GTF2A1L: variants seen among roughly 807,000 people sequenced by gnomAD.
GTF2A1L encodes the protein general transcription factor IIA subunit 1 like.
Under a neutral mutation model 49.7 loss-of-function variants are expected in GTF2A1L, and 48 were observed. The ratio of observed to expected loss-of-function variants is 0.97; its 90% CI spans 0.77 to 1.23. The LOEUF (loss-of-function observed/expected upper bound fraction) is 1.23. Ranked by LOEUF, GTF2A1L falls within the 50% of genes most tolerant of loss-of-function variation. GTF2A1L has a pLI of 0.00. For missense variants in GTF2A1L, 736 were observed against 564.8 expected, an observed-to-expected ratio of 1.30 and a Z score of -3.07; for synonymous variants, 246 against 193.5, an observed-to-expected ratio of 1.27 and a Z score of -2.25.
intron 8 of GTF2A1L, among the ~76,000 whole-genome samples, chr2:48,672,965 A>G (rs1334121099): frequency 6.6e-6 from 1 of 152,138 alleles, no homozygotes; most frequent in Non-Finnish European, 1.5e-5. Context: ...CCAAGCCTGT[A>G]GGCCTAAGAA....
chr2:48,655,659 A>G (rs988313227), intron 6 of GTF2A1L, among the ~76,000 whole-genome samples: 8 of 152,098 alleles, frequency 5.3e-5, no homozygotes, highest in African/African-American at 9.7e-5. Context: ...TAAAAATTCA[A>G]TTTTTCTCCT....
chr2:48,663,615 G>T (rs945627465), intron 6 of GTF2A1L, among the ~76,000 whole-genome samples: 2 of 151,974 alleles, frequency 1.3e-5, no homozygotes, highest in Non-Finnish European at 2.9e-5. Context: ...AACATAAAAT[G>T]CTATATAATA....
intron 3 of GTF2A1L, among the ~76,000 whole-genome samples, chr2:48,625,836 G>T (rs1415180566): frequency 7.0e-6 from 1 of 143,624 alleles, no homozygotes. Context: ...TCCTGCCTCG[G>T]CCTCCCAAAG....
At chr2:48,658,340 A>T (rs1450466345) in intron 6 of GTF2A1L, among the ~76,000 whole-genome samples, 1 of 152,150 alleles carries the variant, frequency 6.6e-6, no homozygotes, top group Non-Finnish European at 1.5e-5. Flanking sequence ...CTATCCCATC[A>T]CCATTTATTG....
At position 48,617,886 on chromosome 2, in the gene GTF2A1L, C is replaced by T; in HGVS notation, c.12C>T (p.Leu4=). 6.4e-7 allele frequency: 1 copy of T among 1,551,862 alleles called. No homozygotes were observed. Among genetic ancestry groups the T allele is most frequent in the Non-Finnish European group, 8.7e-7 (1 of 1,147,056 alleles). The change falls in exon 1 of 9, where the codon CTC becomes CTT. Residue 4 remains leucine (L), a synonymous_variant. Coordinates refer to ENST00000403751, the MANE Select transcript of GTF2A1L (RefSeq NM_006872.5). MAC[L]NPVPKLYRSV... ...CTGGAGGTGCTGTCATGGCCTGCCTCAACCCGGTGGTAAGGAAGACCTCAG... is the reference window on the plus strand; with the variant it reads ...CTGGAGGTGCTGTCATGGCCTGCCTTAACCCGGTGGTAAGGAAGACCTCAG...
chr2:48,624,397 T>C (rs1676186725), intron 3 of GTF2A1L, among the ~76,000 whole-genome samples: 1 of 144,262 alleles, frequency 6.9e-6, no homozygotes, highest in South Asian at 2.3e-4. Context: ...TGAGCTGGAT[T>C]CTTATCTATT....
rs556058140 is a variant in GTF2A1L, at chr2:48,661,545, C to T, written c.979-8177C>T. ...CTGGGATTACAAGCATGAGCCACTGCACCTGGCCTGTTGCATATATCTGGG... is the reference window on the plus strand; with the variant it reads ...CTGGGATTACAAGCATGAGCCACTGTACCTGGCCTGTTGCATATATCTGGG... On this transcript the variant is annotated intron_variant, in intron 6 of 8. Coordinates refer to ENST00000403751, the MANE Select transcript of GTF2A1L (RefSeq NM_006872.5). Among the ~76,000 whole-genome samples, 9 of 152,196 alleles carry T rather than the reference C, an allele frequency of 5.9e-5. 1 individual carries two copies. In the East Asian group the frequency reaches 1.5e-3, roughly 26 times the overall value.
intron 8 of GTF2A1L, among the ~76,000 whole-genome samples, chr2:48,678,229 C>T (rs927565712): frequency 7.2e-5 from 11 of 151,884 alleles, no homozygotes; most frequent in Non-Finnish European, 1.2e-4. Context: ...GTTGTTGCTT[C>T]TGTTGTTCTC....
At chr2:48,620,044 G>T (rs1392265105) in intron 1 of GTF2A1L, among the ~76,000 whole-genome samples, 1 of 152,028 alleles carries the variant, frequency 6.6e-6, no homozygotes, top group Non-Finnish European at 1.5e-5. Context: ...AGCTTTAATT[G>T]CTCTATTTTA....
chr2:48,621,048 A>T, intron 2 of GTF2A1L, 96 bp downstream of exon 2: 1 of 1,510,648 alleles, frequency 6.6e-7, no homozygotes, highest in Non-Finnish European at 8.9e-7. Flanking sequence ...ATAGTTTAGT[A>T]CTTACCCATT....
intron 3 of GTF2A1L, among the ~76,000 whole-genome samples, chr2:48,637,804 A>T (rs1023674284): frequency 6.6e-6 from 1 of 152,122 alleles, no homozygotes; most frequent in Non-Finnish European, 1.5e-5. Flanking sequence ...CCACAGAAAT[A>T]AAAATAACCA....
At chr2:48,623,326 C>G (rs75074065) in intron 3 of GTF2A1L, among the ~76,000 whole-genome samples, 2 of 152,108 alleles carry the variant, frequency 1.3e-5, no homozygotes, top group Non-Finnish European at 2.9e-5. Context: ...AGTCATTTGC[C>G]TTTGTCTGTA....
Position 48,642,429 on chromosome 2 carries a change from C to T in GTF2A1L, c.275C>T (p.Thr92Ile), listed in dbSNP as rs551309443. The T allele has an allele frequency of 3.2e-5, 51 of 1,593,026 alleles. 1 individual carries two copies. The South Asian group carries it at 5.4e-4, about 17-fold the overall frequency. The stretch of plus-strand genomic sequence containing the variant: ...TCATTAGTTATTCCTGCTGGTAGAA[C>T]TCTTCCAAGTTTTACCACAGCAGAA... The part of the protein sequence containing the change: ...TASLVIPAGR[T>I]LPSFTTAELG... Residue 92 changes from threonine to isoleucine, a missense_variant, in exon 4 of 9, where the codon ACT becomes ATT. Transcript: ENST00000403751.
intron 6 of GTF2A1L, among the ~76,000 whole-genome samples, chr2:48,658,432 A>T (rs1041081107): frequency 2.0e-5 from 3 of 151,962 alleles, no homozygotes; most frequent in African/African-American, 7.2e-5. Flanking sequence ...CTTTATTTCT[A>T]AGTTCTCTAT....
At chr2:48,631,900 T>G (rs1240440605) in intron 3 of GTF2A1L, among the ~76,000 whole-genome samples, 2 of 152,228 alleles carry the variant, frequency 1.3e-5, no homozygotes, top group African/African-American at 2.4e-5. Context: ...ATTTCTGCCT[T>G]AACTTTGTTG....
At chr2:48,654,853 T>G (rs1464385451) in intron 6 of GTF2A1L, among the ~76,000 whole-genome samples, 4 of 152,210 alleles carry the variant, frequency 2.6e-5, no homozygotes, top group Non-Finnish European at 5.9e-5. Flanking sequence ...TTCACTCTGT[T>G]TCATTAATTC....
chr2:48,641,553 G>C (rs778806538), intron 3 of GTF2A1L, among the ~76,000 whole-genome samples: 1 of 152,284 alleles, frequency 6.6e-6, no homozygotes, highest in South Asian at 2.1e-4. Context: ...TATTAAAGAT[G>C]AGGGAAAATG....
At position 48,645,069 on chromosome 2, in the gene GTF2A1L, G is replaced by C. The variant is rs1304280820; in HGVS notation, c.340G>C (p.Gly114Arg). ...CTCCAGTGCAAACTTTACTTTTCCT[G>C]GTTATCCCATTCATGTACCAGCAGG... ...SNSSANFTFP[G>R]YPIHVPAGVT... Residue 114 changes from glycine (G) to arginine (R), a missense_variant, in exon 5 of 9, where the codon GGT becomes CGT. Transcript: ENST00000403751. 6.2e-7 allele frequency: 1 copy of C among 1,612,528 alleles called. No homozygotes were observed. Among genetic ancestry groups the C allele is most frequent in the Non-Finnish European group, 8.5e-7 (1 of 1,179,404 alleles).
intron 3 of GTF2A1L, chr2:48,632,847 T>A (rs183572458): frequency 1.3e-5 from 3 of 231,720 alleles, no homozygotes; most frequent in Non-Finnish European, 2.5e-5. Flanking sequence ...TAATTGCCAA[T>A]TGGTTAACAT....
Sources: gnomAD v4.1 joint callset for allele counts (sites outside exome capture counted in the v4.1 genomes callset) on GRCh38, gnomAD v4.1.1 for gene constraint, MANE v1.5 for transcripts, NCBI Gene and HGNC (gene_info 2026-07-23, HGNC 2026-07-21) for gene names.